Variants in DCC observed in about 807,000 individuals in gnomAD.
DCC encodes netrin receptor DCC.
A neutral mutation model predicts 172.5 loss-of-function variants in DCC; 58 were observed. The ratio of observed to expected loss-of-function variants is 0.34; its 90% CI spans 0.27 to 0.42. The LOEUF (loss-of-function observed/expected upper bound fraction) is 0.42, where lower values mean the gene tolerates loss of function less well. DCC is among the 10% of genes least tolerant of loss of function. The probability of loss-of-function intolerance (pLI) is 1.00; values close to 1 mark genes in which losing one functional copy is unlikely to be tolerated. For synonymous variants in DCC, 709 were observed against 644.5 expected (o/e 1.10, Z -1.52); for missense variants, 1,740 against 1,791.0 (o/e 0.97, Z 0.51).
chr18:52,827,664 C>T (rs1461069002), intron 2 of DCC, among the ~76,000 whole-genome samples: 3 of 152,244 alleles, frequency 2.0e-5, no homozygotes, highest in African/African-American at 7.2e-5. Flanking sequence ...CTAATCCACA[C>T]AATAGCTCTT....
In DCC at chr18:53,051,366, T is replaced by A. The variant is rs2042332449; in HGVS notation, c.986-11939T>A. On this transcript the variant is annotated intron_variant, in intron 5 of 28. Coordinates refer to ENST00000442544, the MANE Select transcript of DCC (RefSeq NM_005215.4). ...TTTGCCCACCTTTGGATCTTTAGTA[T>A]CTAAAGTATTTGTTTCACCCTGTTC... is the stretch of plus-strand genomic sequence containing the variant. Among the ~76,000 whole-genome samples, 4 of 152,152 alleles carry A rather than the reference T, an allele frequency of 2.6e-5. No homozygotes were observed. The South Asian group carries it at 8.3e-4, about 31-fold the overall frequency.
At chr18:53,267,114 A>T (rs1249377747) in intron 12 of DCC, among the ~76,000 whole-genome samples, 1 of 148,168 alleles carries the variant, frequency 6.7e-6, no homozygotes, top group African/African-American at 2.6e-5. Context: ...TCTCTCTCAC[A>T]CACACACACA....
chr18:52,570,216 A>G (rs924948646), intron 1 of DCC, among the ~76,000 whole-genome samples: 12 of 152,168 alleles, frequency 7.9e-5, no homozygotes, highest in African/African-American at 2.4e-4. Flanking sequence ...GTAATTACAC[A>G]CATTCTGCCT....
At chr18:53,436,021 A>G (rs984392119) in intron 22 of DCC, among the ~76,000 whole-genome samples, 3 of 152,250 alleles carry the variant, frequency 2.0e-5, no homozygotes, top group African/African-American at 7.2e-5. Context: ...GAACACTTGT[A>G]TACCCATCAG....
chr18:53,316,313 A>G (rs78296376), intron 13 of DCC, among the ~76,000 whole-genome samples: 1 of 152,080 alleles, frequency 6.6e-6, no homozygotes, highest in African/African-American at 2.4e-5. Context: ...TTTGCTCTAT[A>G]TATCTGTTTT....
intron 15 of DCC, among the ~76,000 whole-genome samples, chr18:53,354,181 G>T (rs9953648): frequency 0.34 from 51,485 of 152,058 alleles, 9,921 homozygotes; most frequent in East Asian, 0.58. Context: ...ATTTGGGTTG[G>T]TTCCAAGTCT....
intron 7 of DCC, among the ~76,000 whole-genome samples, chr18:53,090,958 T>C (rs1480927031): frequency 1.3e-5 from 2 of 151,956 alleles, no homozygotes; most frequent in East Asian, 3.9e-4. Context: ...GTCTCCATAC[T>C]GTTAACAGCT....
chr18:52,669,971 C>T (rs570804918), intron 1 of DCC, among the ~76,000 whole-genome samples: 1 of 152,028 alleles, frequency 6.6e-6, no homozygotes, highest in African/African-American at 2.4e-5. Flanking sequence ...ATTAGAGAGG[C>T]AACTAAATGA....
chr18:53,055,641 T>A (rs1399858436), intron 5 of DCC, among the ~76,000 whole-genome samples: 1 of 152,154 alleles, frequency 6.6e-6, no homozygotes, highest in African/African-American at 2.4e-5. Context: ...TAGTCAGGTA[T>A]GTGTGAGAGA....
chr18:52,689,984 G>A (rs1269709044), intron 1 of DCC, among the ~76,000 whole-genome samples: 9 of 152,154 alleles, frequency 5.9e-5, no homozygotes, highest in African/African-American at 1.9e-4. Context: ...TGAGTGGAAA[G>A]TGTATTAAAG....
intron 1 of DCC, among the ~76,000 whole-genome samples, chr18:52,631,581 C>A (rs1367620858): frequency 2.0e-5 from 3 of 152,224 alleles, no homozygotes; most frequent in Non-Finnish European, 4.4e-5. Flanking sequence ...AGTTTGATGT[C>A]TTCCTCGGAA....
At chr18:53,426,810 G>A (rs1023179224) in intron 21 of DCC, among the ~76,000 whole-genome samples, 5 of 152,140 alleles carry the variant, frequency 3.3e-5, no homozygotes, top group East Asian at 3.9e-4. Flanking sequence ...GATGAAGCAC[G>A]GATGGAGACA....
intron 1 of DCC, among the ~76,000 whole-genome samples, chr18:52,435,531 T>G (rs2144482565): frequency 6.6e-6 from 1 of 152,306 alleles, no homozygotes; most frequent in African/African-American, 2.4e-5. Flanking sequence ...TCAGGACTGC[T>G]CAGATGCTCA....
At chr18:52,365,236 T>G (rs1194270825) in intron 1 of DCC, among the ~76,000 whole-genome samples, 1 of 152,236 alleles carries the variant, frequency 6.6e-6, no homozygotes, top group African/African-American at 2.4e-5. Flanking sequence ...GTTAGTGTTA[T>G]CCTTCGCAGT....
chr18:53,287,998 T>A (rs1170630075), intron 12 of DCC, among the ~76,000 whole-genome samples: 3 of 152,150 alleles, frequency 2.0e-5, no homozygotes, highest in Non-Finnish European at 4.4e-5. Context: ...AATCCTAATA[T>A]GCTGTAAGCC....
At chr18:53,149,481 G>C (rs2043967138) in intron 7 of DCC, among the ~76,000 whole-genome samples, 1 of 152,106 alleles carries the variant, frequency 6.6e-6, no homozygotes, top group African/African-American at 2.4e-5. Flanking sequence ...CCATTTAATT[G>C]CAGTTCGCTA....
intron 2 of DCC, among the ~76,000 whole-genome samples, chr18:52,852,401 T>TA (rs1020883236): frequency 6.6e-6 from 1 of 152,154 alleles, no homozygotes; most frequent in African/African-American, 2.4e-5. Flanking sequence ...TGTTTCTCTT[T>TA]AAAAAACTGC....
At chr18:52,956,277 T>A (rs2040741008) in intron 5 of DCC, among the ~76,000 whole-genome samples, 1 of 152,080 alleles carries the variant, frequency 6.6e-6, no homozygotes, top group Admixed American at 6.6e-5. Flanking sequence ...TTTTTACATG[T>A]AGATATCCAG....
intron 5 of DCC, 130 bp downstream of exon 5, chr18:52,925,500 C>T: frequency 1.1e-6 from 1 of 900,758 alleles, no homozygotes; most frequent in East Asian, 2.4e-5. Flanking sequence ...ATACTCCACA[C>T]ATGTCCTTGC....
Sources: gnomAD v4.1 joint callset for allele counts (sites outside exome capture counted in the v4.1 genomes callset) on GRCh38, gnomAD v4.1.1 for gene constraint, MANE v1.5 for transcripts, NCBI Gene and HGNC (gene_info 2026-07-23, HGNC 2026-07-21) for gene names.